ADAMTSL1: variants seen among roughly 807,000 people sequenced by gnomAD.
ADAMTSL1 encodes ADAMTS like 1, also known as ADAMTS-like protein 1.
A neutral mutation model predicts 201.8 loss-of-function variants in ADAMTSL1; 126 were observed. That is an observed-to-expected ratio of 0.62 (90% CI 0.54 to 0.72). The LOEUF (loss-of-function observed/expected upper bound fraction) is 0.72, where lower values mean the gene tolerates loss of function less well. ADAMTSL1 is among the 30% of genes least tolerant of loss of function. The pLI is 0.00. For missense variants in ADAMTSL1, 2,679 were observed against 2,277.8 expected, an observed-to-expected ratio of 1.18 and a Z score of -3.59; for synonymous variants, 1,121 against 903.4, an observed-to-expected ratio of 1.24 and a Z score of -4.32.
intron 13 of ADAMTSL1, among the ~76,000 whole-genome samples, chr9:18,696,844 TA>T (rs1276533369): frequency 6.4e-5 from 9 of 140,308 alleles, no homozygotes; most frequent in South Asian, 2.3e-4. Flanking sequence ...CATGAAAATA[TA>T]AAATAATCAC....
intron 3 of ADAMTSL1, among the ~76,000 whole-genome samples, chr9:18,565,374 T>C (rs1259412751): frequency 6.6e-6 from 1 of 152,162 alleles, no homozygotes; most frequent in Non-Finnish European, 1.5e-5. Flanking sequence ...GGTATTAAGA[T>C]GGTTAATGAC....
intron 2 of ADAMTSL1, among the ~76,000 whole-genome samples, chr9:18,339,273 C>T (rs1835370763): frequency 6.6e-6 from 1 of 151,872 alleles, no homozygotes; most frequent in African/African-American, 2.4e-5. Context: ...AAAAAACAAC[C>T]CCATTAAAAA....
intron 18 of ADAMTSL1, among the ~76,000 whole-genome samples, chr9:18,776,538 G>A (rs1030178074): frequency 1.3e-5 from 2 of 152,174 alleles, no homozygotes; most frequent in Non-Finnish European, 1.5e-5. Flanking sequence ...TCTGATTGTG[G>A]TGGCAGCTTG....
intron 2 of ADAMTSL1, among the ~76,000 whole-genome samples, chr9:18,365,315 C>T (rs576243493): frequency 4.6e-5 from 7 of 152,134 alleles, no homozygotes; most frequent in Admixed American, 4.6e-4. Flanking sequence ...GATACTTATA[C>T]CAAGTATGTT....
intron 2 of ADAMTSL1, among the ~76,000 whole-genome samples, chr9:18,323,354 C>CT (rs1834701427): frequency 6.6e-6 from 1 of 152,124 alleles, no homozygotes. Context: ...TGATTTAAAA[C>CT]TTTTGGCAAA....
chr9:18,787,211 T>C (rs1409572223), intron 19 of ADAMTSL1, among the ~76,000 whole-genome samples: 1 of 152,190 alleles, frequency 6.6e-6, no homozygotes, highest in Non-Finnish European at 1.5e-5. Context: ...TGACAAATGT[T>C]TTTCCCAGTT....
intron 2 of ADAMTSL1, among the ~76,000 whole-genome samples, chr9:18,179,124 T>C (rs1335773297): frequency 6.6e-6 from 1 of 152,066 alleles, no homozygotes; most frequent in African/African-American, 2.4e-5. Context: ...CGTTGAAAAC[T>C]TTGAAAAAAT....
chr9:18,819,190 T>C (rs1261372140), intron 21 of ADAMTSL1, among the ~76,000 whole-genome samples: 1 of 152,090 alleles, frequency 6.6e-6, no homozygotes, highest in Non-Finnish European at 1.5e-5. Context: ...GCATGGGGAC[T>C]CACACCTGTA....
intron 1 of ADAMTSL1, among the ~76,000 whole-genome samples, chr9:17,953,692 G>T (rs998909642): frequency 1.3e-5 from 2 of 152,144 alleles, no homozygotes; most frequent in African/African-American, 4.8e-5. Context: ...AATCATACAT[G>T]GGGAAAGAAA....
chr9:18,865,228 C>T (rs1434300714), intron 23 of ADAMTSL1, among the ~76,000 whole-genome samples: 1 of 150,930 alleles, frequency 6.6e-6, no homozygotes, highest in Non-Finnish European at 1.5e-5. Context: ...GTGTGATGTT[C>T]CCCTTCCTGT....
intron 1 of ADAMTSL1, among the ~76,000 whole-genome samples, chr9:17,916,556 C>T (rs1563892866): frequency 1.3e-5 from 2 of 151,984 alleles, no homozygotes; most frequent in African/African-American, 2.4e-5. Flanking sequence ...TTTTGCATGA[C>T]TTTTTGCAAA....
At chr9:18,047,245 G>T (rs914699013) in intron 1 of ADAMTSL1, among the ~76,000 whole-genome samples, 7 of 152,116 alleles carry the variant, frequency 4.6e-5, no homozygotes, top group African/African-American at 7.2e-5. Flanking sequence ...TTATTAATTA[G>T]TTAATAAACA....
chr9:18,179,420 G>A (rs1043199284), intron 2 of ADAMTSL1, among the ~76,000 whole-genome samples: 5 of 152,150 alleles, frequency 3.3e-5, no homozygotes, highest in African/African-American at 4.8e-5. Flanking sequence ...TGAAAGTGAC[G>A]GGGAGAATGG....
chr9:18,523,001 T>C (rs1258253807), intron 2 of ADAMTSL1, among the ~76,000 whole-genome samples: 7 of 152,186 alleles, frequency 4.6e-5, no homozygotes, highest in African/African-American at 1.7e-4. Context: ...TTCTAGATCC[T>C]TGAGGAATCG....
chr9:18,908,197 C>T, intron 28 of ADAMTSL1: 1 of 532,598 alleles, frequency 1.9e-6, no homozygotes, highest in Middle Eastern at 5.1e-4. Flanking sequence ...AGCAGACAGC[C>T]CAGGGAGGGG....
intron 23 of ADAMTSL1, among the ~76,000 whole-genome samples, chr9:18,875,527 G>A (rs1289541877): frequency 6.6e-6 from 1 of 152,174 alleles, no homozygotes; most frequent in Admixed American, 6.5e-5. Context: ...TCATTCAGGA[G>A]CAGGTTAATT....
chr9:17,982,780 A>C (rs965544321), intron 1 of ADAMTSL1, among the ~76,000 whole-genome samples: 1 of 152,106 alleles, frequency 6.6e-6, no homozygotes, highest in African/African-American at 2.4e-5. Context: ...TTTTACAAGA[A>C]GCATTCAATC....
At chr9:18,202,556 T>C (rs75925326) in intron 2 of ADAMTSL1, among the ~76,000 whole-genome samples, 2,337 of 152,314 alleles carry the variant, frequency 0.015, 65 homozygotes, top group African/African-American at 0.052. Flanking sequence ...TCTCCCACAC[T>C]TCTCTTCCAG....
intron 2 of ADAMTSL1, among the ~76,000 whole-genome samples, chr9:18,320,520 C>G (rs1429343264): frequency 6.6e-6 from 1 of 152,142 alleles, no homozygotes; most frequent in East Asian, 1.9e-4. Context: ...TAAAAGAGTT[C>G]TTCAAGATGA....
Sources: allele counts gnomAD v4.1 joint callset (sites outside exome capture counted in the v4.1 genomes callset), GRCh38; gene constraint gnomAD v4.1.1; transcripts MANE v1.5; gene names NCBI Gene and HGNC (gene_info 2026-07-23, HGNC 2026-07-21).